CHD7: variants seen among roughly 807,000 people sequenced by gnomAD.
CHD7 encodes the protein ATP-dependent chromatin remodeler CHD7.
In CHD7, 24 loss-of-function variants were observed where a neutral mutation model predicts 307.3. That is an observed-to-expected ratio of 0.08 (90% CI 0.06 to 0.11). The LOEUF is 0.11. Ranked by LOEUF, CHD7 falls within the 10% of genes least tolerant of loss-of-function variation. CHD7 has a pLI of 1.00. For missense variants in CHD7, 3,106 were observed against 3,727.1 expected, an observed-to-expected ratio of 0.83 and a Z score of 4.34; for synonymous variants, 1,363 against 1,349.9, an observed-to-expected ratio of 1.01 and a Z score of -0.21.
At chr8:60,720,725 A>G (rs1007047197) in intron 1 of CHD7, among the ~76,000 whole-genome samples, 1 of 152,228 alleles carries the variant, frequency 6.6e-6, no homozygotes, top group African/African-American at 2.4e-5. Flanking sequence ...GCCGCTTACC[A>G]GCAGTGGCTC....
chr8:60,774,699 G>A (rs896028092), intron 2 of CHD7, among the ~76,000 whole-genome samples: 4 of 152,222 alleles, frequency 2.6e-5, no homozygotes, highest in African/African-American at 9.6e-5. Flanking sequence ...TATGGCGGAG[G>A]GTGAAGGAGC....
chr8:60,761,457 C>G lies in CHD7; in HGVS notation c.1665+18360C>G, dbSNP rs969319906. 3.3e-5 allele frequency among the ~76,000 whole-genome samples: 5 copies of G among 152,068 alleles called. No homozygotes were observed. In the East Asian group the frequency reaches 9.6e-4, roughly 29 times the overall value. On this transcript the variant is annotated intron_variant, in intron 2 of 37. Transcript: ENST00000423902. ...TGTATACATATGTAACTAACCTGCA[C>G]ATTGTGCACATGTACCCTAAAACTT... is the stretch of plus-strand genomic sequence containing the variant.
At position 60,837,025 on chromosome 8, in the gene CHD7, G is replaced by A. The variant is rs367959524; in HGVS notation, c.4185+13G>A. ...AAATGACCTCCAGGTAAATGCACAA[G>A]AAAGTCCTGATGCCTTTAAAAAGGA... is the stretch of plus-strand genomic sequence containing the variant. On this transcript the variant is annotated intron_variant, in intron 17 of 37. Coordinates refer to ENST00000423902, the MANE Select transcript of CHD7 (RefSeq NM_017780.4). 1 of 1,595,800 alleles carries A rather than the reference G, an allele frequency of 6.3e-7. No individual in the cohort carries two copies. Among genetic ancestry groups the A allele is most frequent in the Non-Finnish European group, 8.6e-7 (1 of 1,167,096 alleles).
intron 1 of CHD7, among the ~76,000 whole-genome samples, chr8:60,692,656 C>G (rs1030871903): frequency 2.0e-5 from 3 of 152,100 alleles, no homozygotes; most frequent in African/African-American, 7.2e-5. Flanking sequence ...TTTTCCTGGC[C>G]CTTCCCCCAT....
At chr8:60,745,038 A>G (rs1250597122) in intron 2 of CHD7, among the ~76,000 whole-genome samples, 1 of 150,312 alleles carries the variant, frequency 6.7e-6, no homozygotes, top group Non-Finnish European at 1.5e-5. Flanking sequence ...TTCCCTGAAG[A>G]CCTTGGTGAT....
intron 3 of CHD7, among the ~76,000 whole-genome samples, chr8:60,786,585 G>A (rs1183722765): frequency 6.6e-6 from 1 of 152,192 alleles, no homozygotes; most frequent in Non-Finnish European, 1.5e-5. Flanking sequence ...AAGTTCAGGT[G>A]TAAGGAGGCC....
At chr8:60,814,557 C>T (rs905588450) in intron 7 of CHD7, among the ~76,000 whole-genome samples, 4 of 152,106 alleles carry the variant, frequency 2.6e-5, no homozygotes, top group African/African-American at 4.8e-5. Context: ...GCAATTCTCC[C>T]GCCTCAGCCT....
chr8:60,862,662 A>C lies in CHD7; in HGVS notation c.8076+10A>C. 2.0e-6 allele frequency: 3 copies of C among 1,512,196 alleles called. No individual in the cohort carries two copies. The highest frequency in any genetic ancestry group is 2.7e-6 in the Non-Finnish European group (3 of 1,110,002). 93.7% of individuals were successfully genotyped at this position (1,512,196 alleles called of 1,614,324 possible). ...TATAGTTAAGCAGTCTGTAAGTACAAACTGCATTTCTATCAAGAAAGGTAG... is the reference window on the plus strand; with the variant it reads ...TATAGTTAAGCAGTCTGTAAGTACACACTGCATTTCTATCAAGAAAGGTAG... On this transcript the variant is annotated intron_variant, in intron 37 of 37. Transcript: ENST00000423902.
chr8:60,852,977 C>G lies in CHD7; in HGVS notation c.6252C>G (p.Ser2084Arg). The G allele has an allele frequency of 6.2e-7, 1 of 1,614,006 alleles. No individual in the cohort carries two copies. Among genetic ancestry groups the G allele is most frequent in the Non-Finnish European group, 8.5e-7 (1 of 1,179,892 alleles). ...LGERLKLCQP[S>R]LDLPEWWECG... Reference sequence around the variant, plus strand: ...AGAGGCTTAAGCTCTGCCAGCCAAGCTTGGATCTGCCAGAGTGGTGGGAGT... The same window carrying G: ...AGAGGCTTAAGCTCTGCCAGCCAAGGTTGGATCTGCCAGAGTGGTGGGAGT... Residue 2084 changes from serine (S) to arginine (R), a missense_variant, in exon 31 of 38, where the codon AGC becomes AGG. Physicochemically the swap from Ser to Arg is moderately radical, Grantham distance 110. Coordinates refer to ENST00000423902, the MANE Select transcript of CHD7 (RefSeq NM_017780.4).
chr8:60,835,333 G>T (rs1804692993), intron 15 of CHD7, among the ~76,000 whole-genome samples: 1 of 152,142 alleles, frequency 6.6e-6, no homozygotes, highest in African/African-American at 2.4e-5. Flanking sequence ...AAATCCATGT[G>T]GGGGAAAAGA....
chr8:60,691,371 C>T (rs1372557158), intron 1 of CHD7, among the ~76,000 whole-genome samples: 3 of 152,126 alleles, frequency 2.0e-5, no homozygotes, highest in South Asian at 4.1e-4. Flanking sequence ...TAATACTAGG[C>T]GAGAGGTAAG....
At chr8:60,813,564 C>G (rs1038537967) in intron 7 of CHD7, among the ~76,000 whole-genome samples, 20 of 152,058 alleles carry the variant, frequency 1.3e-4, no homozygotes, top group Non-Finnish European at 2.5e-4. Context: ...AACAAAATAC[C>G]TATCAATTCC....
At chr8:60,759,488 CCTCTCCCT>C (rs1465075829) in intron 2 of CHD7, among the ~76,000 whole-genome samples, 3 of 136,090 alleles carry the variant, frequency 2.2e-5, no homozygotes, top group Non-Finnish European at 3.1e-5. Context: ...TCCCTCTCTC[CCTCTCCCT>C]CTCCCTCTCC....
intron 34 of CHD7, among the ~76,000 whole-genome samples, chr8:60,858,237 CAGAG>C (rs1275835682): frequency 6.6e-6 from 1 of 152,156 alleles, no homozygotes; most frequent in Non-Finnish European, 1.5e-5. Flanking sequence ...GCCTGGGTGA[CAGAG>C]TGAGACTCTG....
rs115857162 is a variant in CHD7 at position 60,728,108 on chromosome 8, T to G, written c.-174-13151T>G. ...GTCTGTGCTCCACAGTTTAGTAAAATGCACAACTCTCTTAAAAAGCGTAGC... is the reference window on the plus strand; with the variant it reads ...GTCTGTGCTCCACAGTTTAGTAAAAGGCACAACTCTCTTAAAAAGCGTAGC... On this transcript the variant is annotated intron_variant, in intron 1 of 37. Coordinates refer to ENST00000423902, the MANE Select transcript of CHD7 (RefSeq NM_017780.4). 2.6e-3 allele frequency among the ~76,000 whole-genome samples: 403 copies of G among 152,360 alleles called. 4 individuals are homozygous for G. The highest frequency in any genetic ancestry group is 9.1e-3 in the African/African-American group (380 of 41,582).
chr8:60,828,218 A>T (rs1283553499), intron 13 of CHD7, among the ~76,000 whole-genome samples: 1 of 152,192 alleles, frequency 6.6e-6, no homozygotes, highest in Non-Finnish European at 1.5e-5. Flanking sequence ...TGCATGTAGA[A>T]CTTCTTTTGT....
chr8:60,856,546 G>A lies in CHD7; in HGVS notation c.7266G>A (p.Glu2422=). The change falls in exon 34 of 38, where the codon GAG becomes GAA. Residue 2422 remains glutamate (E), a synonymous_variant. Coordinates refer to ENST00000423902, the MANE Select transcript of CHD7 (RefSeq NM_017780.4). ...CTGCCAAGAGGCGAAATCTCATGGA[G>A]ATGGTTGCCCAGCTTCGAGAGTCTC... ...ERAAKRRNLM[E]MVAQLRESQV... The A allele has an allele frequency of 6.2e-7, 1 of 1,614,058 alleles. No individual in the cohort carries two copies. The highest frequency in any genetic ancestry group is 8.5e-7 in the Non-Finnish European group (1 of 1,179,906).
intron 7 of CHD7, among the ~76,000 whole-genome samples, chr8:60,814,845 G>A (rs931396312): frequency 3.3e-5 from 5 of 152,180 alleles, no homozygotes; most frequent in Non-Finnish European, 5.9e-5. Context: ...ATCTGGAATG[G>A]TTGAGATCAG....
At chr8:60,702,413 T>G (rs933986785) in intron 1 of CHD7, among the ~76,000 whole-genome samples, 4 of 152,262 alleles carry the variant, frequency 2.6e-5, no homozygotes, top group Admixed American at 2.6e-4. Context: ...TGTATTCATA[T>G]CACATGTTGT....
Sources: allele counts gnomAD v4.1 joint callset (sites outside exome capture counted in the v4.1 genomes callset), GRCh38; gene constraint gnomAD v4.1.1; transcripts MANE v1.5; gene names NCBI Gene and HGNC (gene_info 2026-07-23, HGNC 2026-07-21).